The following CORO2B variants were observed in gnomAD, a reference collection of about 807,000 sequenced individuals.
The protein encoded by CORO2B is coronin-2B.
CORO2B carries 26 observed loss-of-function variants against 58.8 expected under a neutral mutation model. The observed-to-expected ratio is 0.44, with a 90% CI of 0.32 to 0.61. CORO2B has a LOEUF of 0.61. CORO2B is among the 20% of genes least tolerant of loss of function. CORO2B has a pLI of 0.04. For synonymous variants in CORO2B, 242 were observed against 253.8 expected (o/e 0.95, Z 0.44); for missense variants, 460 against 645.1 (o/e 0.71, Z 3.11).
chr15:68,555,121 G>A, the CORO2B span, among the ~76,000 whole-genome samples: 1 of 152,138 alleles, frequency 6.6e-6, no homozygotes, highest in Non-Finnish European at 1.5e-5. Context: ...CTAGGGTCCC[G>A]CTGGGTGACG....
chr15:68,577,639 T>C (rs942315453), upstream of CORO2B, among the ~76,000 whole-genome samples: 15 of 148,774 alleles, frequency 1.0e-4, no homozygotes, highest in African/African-American at 3.8e-4. Context: ...AAGAATCGCT[T>C]GAATCCAGGA....
intron 3 of CORO2B, among the ~76,000 whole-genome samples, chr15:68,703,967 G>A (rs998433149): frequency 2.0e-5 from 3 of 151,784 alleles, no homozygotes; most frequent in Non-Finnish European, 2.9e-5. Context: ...GCAGAGGTGG[G>A]CAGATCACTT....
the CORO2B span, among the ~76,000 whole-genome samples, chr15:68,549,798 G>T: frequency 6.6e-6 from 1 of 152,054 alleles, no homozygotes; most frequent in East Asian, 1.9e-4. Flanking sequence ...ACAACTATCT[G>T]GGCATTGCGG....
chr15:68,683,361 C>T (rs1365942470), intron 2 of CORO2B, among the ~76,000 whole-genome samples: 1 of 152,228 alleles, frequency 6.6e-6, no homozygotes, highest in African/African-American at 2.4e-5. Context: ...GCACTCCCAC[C>T]TGCTTGGAGA....
chr15:68,708,357 C>CTT lies in CORO2B; in HGVS notation c.334-2355_334-2354dup, dbSNP rs921103212. On this transcript the variant is annotated intron_variant, in intron 3 of 11. Coordinates refer to ENST00000261861, the MANE Select transcript of CORO2B (RefSeq NM_006091.5). ...CTGCCTTTGGCTTTCTTTTTTTCTT[C>CTT]TTTTTTTTTTTTTTTTTTTTTGAGA... Among the ~76,000 whole-genome samples the CTT allele has an allele frequency of 4.2e-3, 481 of 114,910 alleles. 3 individuals are homozygous for CTT. Among genetic ancestry groups the CTT allele is most frequent in the Non-Finnish European group, 6.2e-3 (337 of 54,658 alleles). 75.4% of individuals were successfully genotyped at this position (114,910 alleles called of 152,430 possible). A position where few individuals can be genotyped will look rare whatever the true frequency, so the allele number is the denominator to read the frequency against.
At chr15:68,548,195 G>A in the CORO2B span, among the ~76,000 whole-genome samples, 1 of 150,760 alleles carries the variant, frequency 6.6e-6, no homozygotes, top group Non-Finnish European at 1.5e-5. Flanking sequence ...ATATATGTGT[G>A]TGTGTGTGTG....
chr15:68,711,003 T>G (rs1596032653), intron 4 of CORO2B, 122 bp downstream of exon 4: 1 of 1,117,978 alleles, frequency 8.9e-7, no homozygotes, highest in East Asian at 2.8e-5. Flanking sequence ...GTTCATTTGC[T>G]TATTCATTCA....
At chr15:68,520,811 C>T in the CORO2B span, among the ~76,000 whole-genome samples, 103 of 152,156 alleles carry the variant, frequency 6.8e-4, no homozygotes, top group South Asian at 1.2e-3. Flanking sequence ...TTTGGGAGGC[C>T]GAGGCGGGTG....
rs1386820060 is a variant in CORO2B, at chr15:68,718,551, C to T, written c.968-147C>T. ...AGACAGAGACTGATTGAAGGCGCCCCGGTCTACCCCCTGCCCTCTGCATGG... is the reference window on the plus strand; with the variant it reads ...AGACAGAGACTGATTGAAGGCGCCCTGGTCTACCCCCTGCCCTCTGCATGG... On this transcript the variant is annotated intron_variant, in intron 8 of 11. Transcript: ENST00000261861. 12 of 655,978 alleles carry T rather than the reference C, an allele frequency of 1.8e-5. 1 individual carries two copies. Among genetic ancestry groups the T allele is most frequent in the Admixed American group, 7.4e-5 (3 of 40,572 alleles). 40.6% of individuals were successfully genotyped at this position (655,978 alleles called of 1,614,324 possible).
In CORO2B at chr15:68,725,905, G is replaced by C; in HGVS notation, c.1374G>C (p.Gln458His). 6.2e-7 allele frequency: 1 copy of C among 1,614,088 alleles called. No individual in the cohort carries two copies. Among genetic ancestry groups the C allele is most frequent in the Non-Finnish European group, 8.5e-7 (1 of 1,180,014 alleles). The change falls in exon 12 of 12, where the codon CAG becomes CAC. Residue 458 changes from glutamine (Q) to histidine (H), a missense_variant. Gln to His is a conservative substitution (Grantham distance 24). Coordinates refer to ENST00000261861, the MANE Select transcript of CORO2B (RefSeq NM_006091.5). The part of the protein sequence containing the change: ...EIRRLKEELA[Q>H]KDIRIRQLQL... ...GACGGTTGAAAGAGGAGCTGGCCCA[G>C]AAGGACATCCGCATTCGGCAGCTCC...
intron 2 of CORO2B, among the ~76,000 whole-genome samples, chr15:68,679,585 G>A (rs552599492): frequency 2.0e-4 from 30 of 152,326 alleles, no homozygotes; most frequent in African/African-American, 5.5e-4. Flanking sequence ...GCCAGGCCCC[G>A]TGCCCAGTGA....
chr15:68,561,849 T>G, the CORO2B span, among the ~76,000 whole-genome samples: 1 of 152,178 alleles, frequency 6.6e-6, no homozygotes, highest in Non-Finnish European at 1.5e-5. Context: ...TGAGCCTGTG[T>G]GCGTAGTTGT....
intron 3 of CORO2B, among the ~76,000 whole-genome samples, chr15:68,697,279 C>T (rs78408690): frequency 0.02 from 3,043 of 151,048 alleles, 112 homozygotes; most frequent in African/African-American, 0.071. Flanking sequence ...GATAGAGAGA[C>T]GAATGAGTAA....
intron 3 of CORO2B, among the ~76,000 whole-genome samples, chr15:68,701,135 G>A (rs531409855): frequency 6.6e-6 from 1 of 152,204 alleles, no homozygotes; most frequent in Admixed American, 6.5e-5. Flanking sequence ...AAGGAAGGTA[G>A]CCCTGAGGGG....
intron 1 of CORO2B, among the ~76,000 whole-genome samples, chr15:68,585,890 C>T (rs1183441042): frequency 6.6e-6 from 1 of 152,116 alleles, no homozygotes; most frequent in Non-Finnish European, 1.5e-5. Context: ...GGCATTCAGC[C>T]GAGGGCAGAA....
At chr15:68,634,231 C>T (rs746145034) in intron 1 of CORO2B, among the ~76,000 whole-genome samples, 1 of 152,216 alleles carries the variant, frequency 6.6e-6, no homozygotes, top group African/African-American at 2.4e-5. Context: ...TTATTGAGCA[C>T]TTGGTGTTTG....
chr15:68,672,909 A>C (rs949596678), intron 2 of CORO2B, among the ~76,000 whole-genome samples: 1 of 152,148 alleles, frequency 6.6e-6, no homozygotes, highest in African/African-American at 2.4e-5. Flanking sequence ...GCAGCCCCTC[A>C]CATCACAGTT....
chr15:68,708,511 C>T (rs1417480979), intron 3 of CORO2B, among the ~76,000 whole-genome samples: 2 of 151,888 alleles, frequency 1.3e-5, no homozygotes, highest in Non-Finnish European at 2.9e-5. Flanking sequence ...CAGGTGCCTG[C>T]CACTACGCCT....
Position 68,579,212 on chromosome 15 carries a change from G to T in CORO2B, c.-51G>T. 9.7e-7 allele frequency: 1 copy of T among 1,028,680 alleles called. No homozygotes were observed. The highest frequency in any genetic ancestry group is 1.2e-6 in the Non-Finnish European group (1 of 860,056). 63.7% of individuals were successfully genotyped at this position (1,028,680 alleles called of 1,614,324 possible). A position where few individuals can be genotyped will look rare whatever the true frequency, so the allele number is the denominator to read the frequency against. ...TCCGCCGCCGCCCCGGGCCGCCGCC[G>T]CCGCCCCCGCACGCCGCGCCCGCGC... is the stretch of plus-strand genomic sequence containing the variant. On this transcript the variant is annotated 5_prime_UTR_variant, in exon 1 of 12. Coordinates refer to ENST00000261861, the MANE Select transcript of CORO2B (RefSeq NM_006091.5).
Sources: gnomAD v4.1 joint callset for allele counts (sites outside exome capture counted in the v4.1 genomes callset) on GRCh38, gnomAD v4.1.1 for gene constraint, MANE v1.5 for transcripts, NCBI Gene and HGNC (gene_info 2026-07-23, HGNC 2026-07-21) for gene names.